The following RBMS3 variants were observed in gnomAD, a reference collection of about 807,000 sequenced individuals.
The protein encoded by RBMS3 is RNA binding motif single stranded interacting protein 3.
A neutral mutation model predicts 66.8 loss-of-function variants in RBMS3; 27 were observed. That is an observed-to-expected ratio of 0.40 (90% CI 0.30 to 0.56). RBMS3 has a LOEUF of 0.56. Ranked by LOEUF, RBMS3 falls within the 20% of genes least tolerant of loss-of-function variation. The pLI, the probability that RBMS3 is intolerant of heterozygous loss-of-function variation, is 0.40. For missense variants in RBMS3, 513 were observed against 549.5 expected (o/e 0.93, Z 0.66); for synonymous variants, 188 against 183.0 (o/e 1.03, Z -0.22).
chr3:29,802,663 T>A (rs548885531), intron 6 of RBMS3, among the ~76,000 whole-genome samples: 1 of 152,222 alleles, frequency 6.6e-6, no homozygotes, highest in Non-Finnish European at 1.5e-5. Context: ...TATAACATGC[T>A]ACTTATTTTA....
At chr3:29,640,272 A>C (rs1032229949) in intron 4 of RBMS3, among the ~76,000 whole-genome samples, 3 of 150,530 alleles carry the variant, frequency 2.0e-5, no homozygotes, top group African/African-American at 4.9e-5. Flanking sequence ...ACACACACAC[A>C]CACACACACA....
chr3:29,415,969 G>A (rs760654953), intron 1 of RBMS3, among the ~76,000 whole-genome samples: 1 of 152,090 alleles, frequency 6.6e-6, no homozygotes. Context: ...ACATGAAGGG[G>A]CATGGGCTAA....
At chr3:29,400,414 A>G (rs1024808471) in intron 1 of RBMS3, among the ~76,000 whole-genome samples, 1 of 152,046 alleles carries the variant, frequency 6.6e-6, no homozygotes, top group African/African-American at 2.4e-5. Context: ...TAGTTACCAG[A>G]GGCTGGAAGG....
At chr3:29,693,095 T>G (rs2052105650) in intron 4 of RBMS3, among the ~76,000 whole-genome samples, 1 of 152,048 alleles carries the variant, frequency 6.6e-6, no homozygotes, top group Non-Finnish European at 1.5e-5. Flanking sequence ...ACTAAAGTGG[T>G]TTTTTACTGA....
chr3:29,293,856 G>A (rs1366996664), intron 1 of RBMS3, among the ~76,000 whole-genome samples: 1 of 145,616 alleles, frequency 6.9e-6, no homozygotes, highest in Non-Finnish European at 1.5e-5. Context: ...CCTTCTTTTT[G>A]TTCTCTCAGC....
chr3:29,898,376 G>A (rs2060176325), intron 9 of RBMS3, among the ~76,000 whole-genome samples: 3 of 151,560 alleles, frequency 2.0e-5, no homozygotes, highest in Admixed American at 2.0e-4. Flanking sequence ...GCAGCTGGTG[G>A]GGGTGGATGT....
chr3:29,294,093 A>G (rs1443241304), intron 1 of RBMS3, among the ~76,000 whole-genome samples: 3 of 151,794 alleles, frequency 2.0e-5, no homozygotes, highest in Non-Finnish European at 4.4e-5. Flanking sequence ...AATGCCCTGC[A>G]ATGTATAGTA....
At chr3:29,936,002 C>T in intron 10 of RBMS3, 84 bp from the exon 11 acceptor site, 2 of 1,116,476 alleles carry the variant, frequency 1.8e-6, no homozygotes, top group Non-Finnish European at 2.6e-6. Context: ...GATGTTCACA[C>T]ATTTACAATT....
At chr3:29,933,254 G>A (rs745437153) in intron 10 of RBMS3, among the ~76,000 whole-genome samples, 8 of 152,170 alleles carry the variant, frequency 5.3e-5, no homozygotes, top group South Asian at 4.1e-4. Flanking sequence ...ATAAGTCAAA[G>A]TTACGGTTGT....
At chr3:29,944,318 T>G (rs1045103943) in intron 12 of RBMS3, 64 bp downstream of exon 12, 2 of 1,400,622 alleles carry the variant, frequency 1.4e-6, no homozygotes, top group Non-Finnish European at 2.0e-6. Context: ...GCCTGGTTTT[T>G]TCCCAAACTC....
chr3:29,423,142 G>A (rs2040816132), intron 1 of RBMS3, among the ~76,000 whole-genome samples: 1 of 152,094 alleles, frequency 6.6e-6, no homozygotes, highest in African/African-American at 2.4e-5. Context: ...TGCGGGGGTG[G>A]TTTCTCTTTT....
chr3:29,321,578 C>T (rs7426782), intron 1 of RBMS3, among the ~76,000 whole-genome samples: 6,107 of 152,198 alleles, frequency 0.04, 154 homozygotes, highest in South Asian at 0.069. Flanking sequence ...TATGTACATA[C>T]GTAGTTTTTC....
At chr3:29,538,095 C>A (rs971119273) in intron 3 of RBMS3, among the ~76,000 whole-genome samples, 1 of 152,138 alleles carries the variant, frequency 6.6e-6, no homozygotes, top group Admixed American at 6.5e-5. Context: ...ACATGTCATT[C>A]ACATTCTTGG....
chr3:29,308,769 G>A (rs369184281), intron 1 of RBMS3, among the ~76,000 whole-genome samples: 5 of 130,114 alleles, frequency 3.8e-5, no homozygotes, highest in Admixed American at 1.5e-4. Context: ...AAAAAAAAAC[G>A]GGAAAGTAAA....
chr3:29,703,050 T>C (rs1158843192), intron 4 of RBMS3, among the ~76,000 whole-genome samples: 1 of 152,250 alleles, frequency 6.6e-6, no homozygotes, highest in Non-Finnish European at 1.5e-5. Flanking sequence ...ATGCAGACGA[T>C]GTTTTGAGCT....
chr3:29,942,963 G>A (rs2061428158), intron 11 of RBMS3, among the ~76,000 whole-genome samples: 1 of 151,634 alleles, frequency 6.6e-6, no homozygotes, highest in African/African-American at 2.4e-5. Context: ...AGTAGTTCAG[G>A]TATCTGTTGC....
At chr3:29,594,706 A>G (rs1170580966) in intron 4 of RBMS3, among the ~76,000 whole-genome samples, 7 of 152,260 alleles carry the variant, frequency 4.6e-5, no homozygotes, top group Middle Eastern at 3.4e-3. Flanking sequence ...TTTGTTGGCT[A>G]TGTCAATTTG....
chr3:29,740,462 C>A (rs577751434), intron 5 of RBMS3, among the ~76,000 whole-genome samples: 2 of 152,186 alleles, frequency 1.3e-5, no homozygotes, highest in South Asian at 4.1e-4. Context: ...AAAAATATTC[C>A]TTTCATTGTA....
At chr3:29,973,525 A>G (rs1378525146) in intron 12 of RBMS3, among the ~76,000 whole-genome samples, 1 of 151,976 alleles carries the variant, frequency 6.6e-6, no homozygotes, top group Non-Finnish European at 1.5e-5. Flanking sequence ...TCTATGCTTT[A>G]TTGCCATAGT....
Sources: gnomAD v4.1 joint callset for allele counts (sites outside exome capture counted in the v4.1 genomes callset) on GRCh38, gnomAD v4.1.1 for gene constraint, MANE v1.5 for transcripts, NCBI Gene and HGNC (gene_info 2026-07-23, HGNC 2026-07-21) for gene names.